The following TIAM1 variants were observed in gnomAD, a reference collection of about 807,000 sequenced individuals.
The protein encoded by TIAM1 is TIAM Rac1 associated GEF 1, also known as rho guanine nucleotide exchange factor TIAM1.
In TIAM1, 65 loss-of-function variants were observed where a neutral mutation model predicts 163.5. The ratio of observed to expected loss-of-function variants is 0.40; its 90% CI spans 0.33 to 0.49. The LOEUF (loss-of-function observed/expected upper bound fraction) is 0.49, where lower values mean the gene tolerates loss of function less well. Among genes scored for constraint, TIAM1 ranks in the 20% least tolerant of loss-of-function variants. The pLI is 0.77. For synonymous variants in TIAM1, 833 were observed against 810.1 expected, an observed-to-expected ratio of 1.03 and a Z score of -0.48; for missense variants, 1,789 against 2,044.7, an observed-to-expected ratio of 0.87 and a Z score of 2.41.
At chr21:31,272,336 T>C (rs570982470) in intron 3 of TIAM1, among the ~76,000 whole-genome samples, 19 of 152,282 alleles carry the variant, frequency 1.2e-4, no homozygotes, top group African/African-American at 3.6e-4. Flanking sequence ...CTATACATAG[T>C]AAAGGAATTA....
chr21:31,540,971 T>C (rs2048306838), intron 1 of TIAM1, among the ~76,000 whole-genome samples: 1 of 152,174 alleles, frequency 6.6e-6, no homozygotes, highest in South Asian at 2.1e-4. Flanking sequence ...TTATTATTGA[T>C]AAATTCATAT....
At chr21:31,372,592 C>T (rs1159685679) in intron 2 of TIAM1, among the ~76,000 whole-genome samples, 1 of 152,004 alleles carries the variant, frequency 6.6e-6, no homozygotes, top group Non-Finnish European at 1.5e-5. Flanking sequence ...AAGATGTGGA[C>T]AGGAAGGGGC....
At chr21:31,146,502 G>A (rs1233338904) in intron 20 of TIAM1, among the ~76,000 whole-genome samples, 3 of 151,378 alleles carry the variant, frequency 2.0e-5, no homozygotes, top group Non-Finnish European at 4.4e-5. Flanking sequence ...CCTGAGGTCA[G>A]GAGTTCGAGA....
intron 25 of TIAM1, 21 bp from the exon 26 acceptor site, chr21:31,127,173 A>G (rs768792780): frequency 1.2e-6 from 2 of 1,605,898 alleles, no homozygotes; most frequent in Non-Finnish European, 8.5e-7. Flanking sequence ...TAAAACAACA[A>G]TGAATCAGGG....
At chr21:31,339,082 C>A (rs780485350) in intron 2 of TIAM1, among the ~76,000 whole-genome samples, 161 bp downstream of exon 2, 6 of 152,170 alleles carry the variant, frequency 3.9e-5, no homozygotes, top group Non-Finnish European at 8.8e-5. Flanking sequence ...CCTCAGATTG[C>A]AAGTGGGGAG....
intron 25 of TIAM1, among the ~76,000 whole-genome samples, chr21:31,129,365 A>G (rs2082324537): frequency 6.6e-6 from 1 of 152,234 alleles, no homozygotes; most frequent in Admixed American, 6.5e-5. Context: ...CTTCACTGCT[A>G]TGTGGATCAC....
At chr21:31,179,635 C>T (rs1254337111) in intron 15 of TIAM1, among the ~76,000 whole-genome samples, 1 of 151,508 alleles carries the variant, frequency 6.6e-6, no homozygotes, top group East Asian at 1.9e-4. Context: ...ATTTAGCGCA[C>T]AGCCTCCAAA....
intron 2 of TIAM1, among the ~76,000 whole-genome samples, chr21:31,315,751 G>A (rs2075100008): frequency 6.6e-6 from 1 of 150,868 alleles, no homozygotes; most frequent in African/African-American, 2.4e-5. Flanking sequence ...GGAGGCCGAG[G>A]CAGGCGGATC....
intron 2 of TIAM1, among the ~76,000 whole-genome samples, chr21:31,430,181 G>A (rs1235627446): frequency 2.1e-5 from 3 of 144,978 alleles, no homozygotes; most frequent in African/African-American, 7.7e-5. Context: ...ACTCCAGCCT[G>A]GGCAACAAGA....
In TIAM1 at chr21:31,264,125, G is replaced by GT. The variant is rs199627942; in HGVS notation, c.963+1884dup. 1.5e-3 allele frequency among the ~76,000 whole-genome samples: 233 copies of GT among 151,138 alleles called. 2 individuals are homozygous for GT. The highest frequency in any genetic ancestry group is 5.3e-3 in the African/African-American group (218 of 41,128). On this transcript the variant is annotated intron_variant, in intron 4 of 27. Transcript: ENST00000541036. Reference sequence around the variant, plus strand: ...GCAACTTGGTTTCTAGGACACAAGTGTTTTTTTTTCTTTCCTTAGAGTCAA... The same window carrying GT: ...GCAACTTGGTTTCTAGGACACAAGTGTTTTTTTTTTCTTTCCTTAGAGTCAA...
At chr21:31,319,436 G>C (rs7276912) in intron 2 of TIAM1, among the ~76,000 whole-genome samples, 92,937 of 151,834 alleles carry the variant, frequency 0.61, 29,433 homozygotes, top group African/African-American at 0.78. Context: ...ACAAGGGTTC[G>C]AATTTCTCCA....
At chr21:31,502,600 C>G (rs566427351) in intron 1 of TIAM1, among the ~76,000 whole-genome samples, 2 of 152,190 alleles carry the variant, frequency 1.3e-5, no homozygotes, top group Non-Finnish European at 2.9e-5. Flanking sequence ...AAGGAGATCA[C>G]GAAGCCTAGA....
rs963784261 is a variant in TIAM1 at position 31,141,095 on chromosome 21, C to T, written c.3774+23G>A. 1.9e-6 allele frequency: 3 copies of T among 1,575,254 alleles called. No individual in the cohort carries two copies. The highest frequency in any genetic ancestry group is 2.6e-6 in the Non-Finnish European group (3 of 1,152,934). ...CAAACTCGGCTTTCCTGACAGATGT[C>T]CTGAGAAGATGGGGACCCTCACCTC... On this transcript the variant is annotated intron_variant, in intron 22 of 27. Coordinates refer to ENST00000541036, the MANE Select transcript of TIAM1 (RefSeq NM_001353694.2). This position sits in a 1 kb window ranked among gnomAD's most constrained non-coding sequence, Gnocchi z 4.7.
At chr21:31,241,945 G>C (rs893115460) in intron 6 of TIAM1, among the ~76,000 whole-genome samples, 1 of 152,100 alleles carries the variant, frequency 6.6e-6, no homozygotes, top group African/African-American at 2.4e-5. Flanking sequence ...AGGAGTTCAA[G>C]GTTACAGTGA....
intron 1 of TIAM1, among the ~76,000 whole-genome samples, chr21:31,496,232 G>A (rs58171341): frequency 0.14 from 21,860 of 152,200 alleles, 2,362 homozygotes; most frequent in East Asian, 0.61. Context: ...GCTCACGCCT[G>A]TAATCCCAAC....
In TIAM1 at chr21:31,406,041, G is replaced by A. The variant is rs115302956; in HGVS notation, c.-369+57942C>T. On this transcript the variant is annotated intron_variant, in intron 2 of 28. Coordinates refer to the TIAM1 transcript ENST00000286827. ...ACAAGACATACTCAAAGAGATTGCC[G>A]TCATCCTAAATTCTTCTCAAAGATA... 5.2e-3 allele frequency among the ~76,000 whole-genome samples: 794 copies of A among 152,118 alleles called. 9 individuals are homozygous for A. The highest frequency in any genetic ancestry group is 0.018 in the African/African-American group (728 of 41,482).
intron 2 of TIAM1, among the ~76,000 whole-genome samples, chr21:31,304,632 G>A (rs2074626434): frequency 6.6e-6 from 1 of 152,192 alleles, no homozygotes; most frequent in Non-Finnish European, 1.5e-5. Context: ...GAATTTTTCA[G>A]TCTTAGTAAA....
At chr21:31,127,408 C>T (rs73191630) in intron 25 of TIAM1, among the ~76,000 whole-genome samples, 10,849 of 148,866 alleles carry the variant, frequency 0.073, 427 homozygotes, top group East Asian at 0.11. Context: ...TCATATGGAC[C>T]GAACTTTTTT....
intron 6 of TIAM1, among the ~76,000 whole-genome samples, chr21:31,242,876 A>AG (rs1239047581): frequency 8.7e-5 from 13 of 149,856 alleles, no homozygotes; most frequent in Non-Finnish European, 1.2e-4. Context: ...AAAAAAAAAA[A>AG]AAAGAAAAAA....
Sources: gnomAD v4.1 joint callset for allele counts (sites outside exome capture counted in the v4.1 genomes callset) on GRCh38, gnomAD v4.1.1 for gene constraint, Gnocchi (gnomAD v3.1) non-coding constraint, MANE v1.5 for transcripts, NCBI Gene and HGNC (gene_info 2026-07-23, HGNC 2026-07-21) for gene names.